The following FADS2 variants were observed in gnomAD, a reference collection of about 807,000 sequenced individuals.
FADS2 encodes fatty acid desaturase 2, also known as acyl-CoA 6-desaturase.
In FADS2, 18 loss-of-function variants were observed where a neutral mutation model predicts 61.2. That is an observed-to-expected ratio of 0.29 (90% CI 0.20 to 0.44). The LOEUF is 0.44. Among genes scored for constraint, FADS2 ranks in the 20% least tolerant of loss-of-function variants. The probability of loss-of-function intolerance (pLI) is 1.00; values close to 1 mark genes in which losing one functional copy is unlikely to be tolerated. For missense variants in FADS2, 322 were observed against 572.7 expected (o/e 0.56, Z 4.47); for synonymous variants, 203 against 223.9 (o/e 0.91, Z 0.83).
chr11:61,824,474 G>A (rs1591161811), upstream of FADS2, among the ~76,000 whole-genome samples: 3 of 6,246 alleles, frequency 4.8e-4, no homozygotes, highest in Admixed American at 3.4e-3. Context: ...GAGAGAGAGA[G>A]AGAGAGAGAG....
intron 1 of FADS2, among the ~76,000 whole-genome samples, chr11:61,822,715 TAAAAC>T (rs1264444252): frequency 1.3e-5 from 2 of 152,144 alleles, no homozygotes; most frequent in Non-Finnish European, 2.9e-5. Flanking sequence ...CTCTTTAAAA[TAAAAC>T]AAAAAAGCTA....
intron 5 of FADS2, chr11:61,854,659 A>C (rs906040378): frequency 7.2e-5 from 11 of 152,274 alleles, no homozygotes; most frequent in African/African-American, 2.7e-4. Flanking sequence ...CTGGCAAAGA[A>C]CTGAGCGTGG....
intron 4 of FADS2, among the ~76,000 whole-genome samples, chr11:61,843,781 C>T (rs1384381528): frequency 2.0e-5 from 3 of 152,130 alleles, no homozygotes; most frequent in Non-Finnish European, 4.4e-5. Context: ...GCCTCAGCCT[C>T]CCGAGTAGCT....
intron 4 of FADS2, among the ~76,000 whole-genome samples, chr11:61,841,311 A>G (rs2067215123): frequency 6.6e-6 from 1 of 152,006 alleles, no homozygotes; most frequent in Non-Finnish European, 1.5e-5. Context: ...TGGCCTCCCA[A>G]AGTGCTGGGA....
intron 1 of FADS2, among the ~76,000 whole-genome samples, chr11:61,832,525 T>C (rs1001573357): frequency 2.6e-5 from 4 of 152,188 alleles, no homozygotes; most frequent in African/African-American, 9.7e-5. Flanking sequence ...GGGGCCTGTC[T>C]CCTGTGCAGC....
intron 1 of FADS2, 142 bp from the exon 2 acceptor site, chr11:61,837,636 G>A: frequency 3.2e-6 from 2 of 625,854 alleles, no homozygotes; most frequent in Non-Finnish European, 5.7e-6. Context: ...GCTGGAGACG[G>A]CATTTGGGGC....
chr11:61,840,385 A>G lies in FADS2; in HGVS notation c.370A>G (p.Asn124Asp), dbSNP rs769859594. 1.2e-6 allele frequency: 2 copies of G among 1,614,166 alleles called. No homozygotes were observed. The highest frequency in any genetic ancestry group is 1.7e-6 in the Non-Finnish European group (2 of 1,180,012). Reference sequence around the variant, plus strand: ...CCTGAGGAAGACGGCTGAGGACATGAACCTGTTCAAGACCAACCACGTGTT... The same window carrying G: ...CCTGAGGAAGACGGCTGAGGACATGGACCTGTTCAAGACCAACCACGTGTT... Reference protein sequence around the residue: ...RALRKTAEDMNLFKTNHVFFL... With the variant: ...RALRKTAEDMDLFKTNHVFFL... Residue 124 changes from asparagine to aspartate, a missense_variant, in exon 3 of 12, where the codon AAC becomes GAC. Asn to Asp is a conservative substitution (Grantham distance 23). Transcript: ENST00000278840.
intron 1 of FADS2, among the ~76,000 whole-genome samples, chr11:61,837,127 A>G (rs1456210539): frequency 2.6e-5 from 4 of 152,242 alleles, no homozygotes; most frequent in Non-Finnish European, 5.9e-5. Context: ...AAAGATTAAA[A>G]TGTGTATCAT....
intron 1 of FADS2, among the ~76,000 whole-genome samples, chr11:61,818,347 A>G (rs1304491970): frequency 6.6e-6 from 1 of 152,190 alleles, no homozygotes; most frequent in Admixed American, 6.5e-5. Flanking sequence ...CTCAGGAATG[A>G]TGGTCCACAC....
In FADS2 at chr11:61,843,994, CA is replaced by C. The variant is rs999992391; in HGVS notation, c.618+3276del. Among the ~76,000 whole-genome samples the C allele has an allele frequency of 4.0e-5, 6 of 151,772 alleles. No individual in the cohort carries two copies. In the South Asian group the frequency reaches 1.3e-3, roughly 32 times the overall value. ...GTTTTTAAAAAAATCAAAATTAATG[CA>C]AAAAAATCCACAATGAACAAAATAT... On this transcript the variant is annotated intron_variant, in intron 4 of 11. Transcript: ENST00000278840.
chr11:61,818,466 T>C (rs1357186546), intron 1 of FADS2, among the ~76,000 whole-genome samples: 1 of 152,238 alleles, frequency 6.6e-6, no homozygotes, highest in African/African-American at 2.4e-5. Context: ...TCAAGCAGTT[T>C]CACTCTTGGT....
chr11:61,816,806 GC>G lies in FADS2; in HGVS notation c.141+381del, dbSNP rs910436137. 11 of 1,497,278 alleles carry G rather than the reference GC, an allele frequency of 7.3e-6. No individual in the cohort carries two copies. The Admixed American group carries it at 2.6e-4, about 36-fold the overall frequency. The allele number at this position is 1,497,278 out of a possible 1,614,324, so 92.7% of individuals were successfully genotyped here. A position where few individuals can be genotyped will look rare whatever the true frequency, so the allele number is the denominator to read the frequency against. The stretch of plus-strand genomic sequence containing the variant: ...GCCGGGCCAGCAGGGGCTGTCAGGC[GC>G]GTGCTCGGGGTCCGCGGGCTCCAGG... On this transcript the variant is annotated intron_variant, in intron 1 of 11. Coordinates refer to the FADS2 transcript ENST00000257261. The surrounding 1 kb of genome is among the most constrained non-coding windows in gnomAD (Gnocchi z 7.0).
At chr11:61,835,044 CTTCTCCCTGCCTCCCCAGGG>C (rs2067160778) in intron 1 of FADS2, among the ~76,000 whole-genome samples, 2 of 30,838 alleles carry the variant, frequency 6.5e-5, no homozygotes, top group Non-Finnish European at 2.8e-4. Context: ...TCCCCAGGGA[CTTCTCCCTGCCTCCCCAGGG>C]ACTTCTCCCT....
At position 61,816,838 on chromosome 11, in the gene FADS2, A is replaced by G; in HGVS notation, c.141+412A>G. On this transcript the variant is annotated intron_variant, in intron 1 of 11. Coordinates refer to the FADS2 transcript ENST00000257261. The surrounding 1 kb of genome is among the most constrained non-coding windows in gnomAD (Gnocchi z 7.0). ...CGGGGTCCGCGGGCTCCAGGAGTGG[A>G]TTTGCTGGCGCGCGCCCAGAGCCAG... is the stretch of plus-strand genomic sequence containing the variant. 6.7e-7 allele frequency: 1 copy of G among 1,488,774 alleles called. No individual in the cohort carries two copies. The highest frequency in any genetic ancestry group is 8.9e-7 in the Non-Finnish European group (1 of 1,129,446). The allele number at this position is 1,488,774 out of a possible 1,614,324, so 92.2% of individuals were successfully genotyped here. A position where few individuals can be genotyped will look rare whatever the true frequency, so the allele number is the denominator to read the frequency against.
chr11:61,841,511 C>A (rs1011549033), intron 4 of FADS2, among the ~76,000 whole-genome samples: 1 of 146,588 alleles, frequency 6.8e-6, no homozygotes, highest in Admixed American at 6.8e-5. Context: ...CCAGCCTGGG[C>A]AACATAGTGA....
At chr11:61,831,355 C>A (rs1160914952) in intron 1 of FADS2, among the ~76,000 whole-genome samples, 1 of 152,084 alleles carries the variant, frequency 6.6e-6, no homozygotes, top group Non-Finnish European at 1.5e-5. Context: ...GGATTCCCTG[C>A]AACATTCCCA....
chr11:61,830,438 T>C (rs2067119404), intron 1 of FADS2, among the ~76,000 whole-genome samples: 1 of 152,246 alleles, frequency 6.6e-6, no homozygotes. Flanking sequence ...AGTGCTTACC[T>C]GACCTTAACA....
chr11:61,828,990 C>T lies in FADS2; in HGVS notation c.207+393C>T, dbSNP rs533980322. Among the ~76,000 whole-genome samples, 1 of 152,236 alleles carries T rather than the reference C, an allele frequency of 6.6e-6. No individual in the cohort carries two copies. The highest frequency in any genetic ancestry group is 1.5e-5 in the Non-Finnish European group (1 of 68,040). ...GGGGAAGATGGCCGCCCCTGCGCGC[C>T]GCTGAAAGGAGCGGGAGCGCAGGCA... On this transcript the variant is annotated intron_variant, in intron 1 of 11. Transcript: ENST00000278840. This position sits in a 1 kb window ranked among gnomAD's most constrained non-coding sequence, Gnocchi z 6.4.
rs189510229 is a variant in FADS2, at chr11:61,862,500, G to A, written c.883-472G>A. 34 of 176,010 alleles carry A rather than the reference G, an allele frequency of 1.9e-4. No individual in the cohort carries two copies. In the South Asian group the frequency reaches 3.2e-3, roughly 17 times the overall value. The allele number at this position is 176,010 out of a possible 1,614,324, so 10.9% of individuals were successfully genotyped here. A position where few individuals can be genotyped will look rare whatever the true frequency, so the allele number is the denominator to read the frequency against. ...CCAGCCTCTGCTGTGAGAGCTCTGA[G>A]ATAGGGACGATGGTACCTCTGACCT... On this transcript the variant is annotated intron_variant, in intron 7 of 11. Transcript: ENST00000278840.
Sources: allele counts gnomAD v4.1 joint callset (sites outside exome capture counted in the v4.1 genomes callset), GRCh38; gene constraint gnomAD v4.1.1; non-coding constraint Gnocchi (gnomAD v3.1); transcripts MANE v1.5; gene names NCBI Gene and HGNC (gene_info 2026-07-23, HGNC 2026-07-21).